The following HMCN1 variants were observed in gnomAD, a reference collection of about 807,000 sequenced individuals.
The protein encoded by HMCN1 is hemicentin-1.
In HMCN1, 321 loss-of-function variants were observed where a neutral mutation model predicts 625.9. That is an observed-to-expected ratio of 0.51 (90% CI 0.47 to 0.56). The LOEUF (loss-of-function observed/expected upper bound fraction) is 0.56, where lower values mean the gene tolerates loss of function less well. Among genes scored for constraint, HMCN1 ranks in the 20% least tolerant of loss-of-function variants. HMCN1 has a pLI of 0.00. For synonymous variants in HMCN1, 2,425 were observed against 2,417.6 expected (o/e 1.00, Z -0.09); for missense variants, 6,588 against 6,887.3 (o/e 0.96, Z 1.54).
At chr1:186,033,590 G>C (rs1474220758) in intron 36 of HMCN1, among the ~76,000 whole-genome samples, 1 of 135,542 alleles carries the variant, frequency 7.4e-6, no homozygotes, top group Non-Finnish European at 1.5e-5. Flanking sequence ...TTTTATTGTT[G>C]TATTGTTATT....
intron 1 of HMCN1, among the ~76,000 whole-genome samples, chr1:185,754,167 A>C (rs1654991181): frequency 6.6e-6 from 1 of 152,216 alleles, no homozygotes; most frequent in South Asian, 2.1e-4. Context: ...AAGGCACAGA[A>C]AGACAAATAT....
At chr1:185,825,028 C>T (rs114483613) in intron 1 of HMCN1, among the ~76,000 whole-genome samples, 11 of 152,092 alleles carry the variant, frequency 7.2e-5, no homozygotes, top group African/African-American at 2.7e-4. Flanking sequence ...GTTTTATTGC[C>T]ATCATTATAT....
chr1:186,188,821 A>G (rs1558293953), intron 106 of HMCN1, among the ~76,000 whole-genome samples: 2 of 152,186 alleles, frequency 1.3e-5, no homozygotes, highest in African/African-American at 2.4e-5. Context: ...AATTGAAAAT[A>G]CAGACTTAAC....
Position 186,055,241 on chromosome 1 carries a change from A to G in HMCN1, c.6863-152A>G, listed in dbSNP as rs1657231911. ...TTGGAGAAGAATTCCGCCTCTCAGC[A>G]TAACATCATGTCTGTTAGTCCTGGG... On this transcript the variant is annotated intron_variant, in intron 44 of 106. Coordinates refer to ENST00000271588, the MANE Select transcript of HMCN1 (RefSeq NM_031935.3). 8 of 731,368 alleles carry G rather than the reference A, an allele frequency of 1.1e-5. No individual in the cohort carries two copies. The East Asian group carries it at 2.2e-4, about 20-fold the overall frequency. The allele number at this position is 731,368 out of a possible 1,614,324, so 45.3% of individuals were successfully genotyped here.
At chr1:186,067,259 A>T (rs958846531) in intron 49 of HMCN1, among the ~76,000 whole-genome samples, 3 of 152,072 alleles carry the variant, frequency 2.0e-5, no homozygotes, top group Non-Finnish European at 2.9e-5. Flanking sequence ...TTAATGCTCT[A>T]GTTCAGTTCC....
At chr1:185,866,397 ATTTTTTTTT>A (rs969071873) in intron 4 of HMCN1, among the ~76,000 whole-genome samples, 1 of 102,576 alleles carries the variant, frequency 9.7e-6, no homozygotes, top group African/African-American at 4.1e-5. Flanking sequence ...GTTTGTCATA[ATTTTTTTTT>A]TTTTTTTTTT....
intron 4 of HMCN1, among the ~76,000 whole-genome samples, chr1:185,891,909 C>T (rs1665116579): frequency 6.7e-6 from 1 of 148,600 alleles, no homozygotes; most frequent in South Asian, 2.1e-4. Flanking sequence ...AGACTGTTTT[C>T]CAACTTGGTT....
In HMCN1 at chr1:186,107,918, A is replaced by C. The variant is rs573138587; in HGVS notation, c.10853-543A>C. 3.3e-5 allele frequency among the ~76,000 whole-genome samples: 5 copies of C among 152,216 alleles called. No homozygotes were observed. The East Asian group carries it at 9.6e-4, about 29-fold the overall frequency. ...TCTTTATGGGGAGGAATAATTAAAA[A>C]ACTAACAGAAGATCTTTGGTTCATT... On this transcript the variant is annotated intron_variant, in intron 70 of 106. Transcript: ENST00000271588.
At chr1:185,870,036 TAA>T (rs1553252271) in intron 4 of HMCN1, among the ~76,000 whole-genome samples, 2 of 149,094 alleles carry the variant, frequency 1.3e-5, no homozygotes, top group Admixed American at 6.7e-5. Flanking sequence ...TTTTTTTTTT[TAA>T]AAAAAAACAA....
At chr1:185,784,442 G>C (rs1333822038) in intron 1 of HMCN1, among the ~76,000 whole-genome samples, 1 of 152,034 alleles carries the variant, frequency 6.6e-6, no homozygotes, top group Non-Finnish European at 1.5e-5. Context: ...CTTCTGCGTC[G>C]CTCATGCTGG....
At chr1:185,780,767 T>C (rs184079746) in intron 1 of HMCN1, among the ~76,000 whole-genome samples, 138 of 152,314 alleles carry the variant, frequency 9.1e-4, no homozygotes, top group Non-Finnish European at 1.8e-3. Flanking sequence ...TTATTGAGGA[T>C]TTTTGCATCG....
Position 186,000,248 on chromosome 1 carries a change from A to C in HMCN1, c.4069+9A>C, listed in dbSNP as rs752264427. On this transcript the variant is annotated intron_variant, in intron 26 of 106. Transcript: ENST00000271588. The stretch of plus-strand genomic sequence containing the variant: ...TAACCTCAAAGTCCATGGTAAATGT[A>C]GCTAAAATCATGTAACTGACTGTTT... 1 of 1,603,808 alleles carries C rather than the reference A, an allele frequency of 6.2e-7. No homozygotes were observed. Among genetic ancestry groups the C allele is most frequent in the Non-Finnish European group, 8.5e-7 (1 of 1,171,074 alleles).
intron 72 of HMCN1, among the ~76,000 whole-genome samples, chr1:186,113,399 T>G (rs1465238121): frequency 6.6e-6 from 1 of 152,206 alleles, no homozygotes; most frequent in Admixed American, 6.5e-5. Context: ...TATAGACTTT[T>G]CCTCAAAACA....
intron 58 of HMCN1, among the ~76,000 whole-genome samples, chr1:186,086,739 G>A (rs532261125): frequency 1.9e-4 from 29 of 151,958 alleles, no homozygotes; most frequent in South Asian, 1.7e-3. Context: ...CTAAAGTTCC[G>A]TAAGGATAGA....
chr1:186,173,976 G>T (rs1455910419), intron 102 of HMCN1, among the ~76,000 whole-genome samples: 2 of 152,194 alleles, frequency 1.3e-5, no homozygotes, highest in African/African-American at 2.4e-5. Context: ...TCTTTTAAAA[G>T]AAATGCTTTT....
At chr1:186,040,502 A>G (rs920210523) in intron 39 of HMCN1, among the ~76,000 whole-genome samples, 6 of 152,156 alleles carry the variant, frequency 3.9e-5, no homozygotes, top group Non-Finnish European at 8.8e-5. Flanking sequence ...GTTTTCTTGC[A>G]AATCTAATGC....
chr1:185,782,352 G>A (rs913496939), intron 1 of HMCN1, among the ~76,000 whole-genome samples: 3 of 152,028 alleles, frequency 2.0e-5, no homozygotes, highest in African/African-American at 4.8e-5. Context: ...TTACATTTAA[G>A]GTTAATATTG....
chr1:186,019,869 T>C (rs1264982879), intron 35 of HMCN1, among the ~76,000 whole-genome samples, 174 bp downstream of exon 35: 1 of 152,046 alleles, frequency 6.6e-6, no homozygotes, highest in African/African-American at 2.4e-5. Context: ...ATATTTTGAT[T>C]TGAAGAATGG....
chr1:185,904,637 C>T (rs1012181200), intron 4 of HMCN1, among the ~76,000 whole-genome samples: 1 of 151,792 alleles, frequency 6.6e-6, no homozygotes, highest in African/African-American at 2.4e-5. Context: ...ATGGGATCAA[C>T]AGGCAAATGC....
Sources: gnomAD v4.1 joint callset for allele counts (sites outside exome capture counted in the v4.1 genomes callset) on GRCh38, gnomAD v4.1.1 for gene constraint, MANE v1.5 for transcripts, NCBI Gene and HGNC (gene_info 2026-07-23, HGNC 2026-07-21) for gene names.